The following BLTP1 variants were observed in gnomAD, a reference collection of about 807,000 sequenced individuals.
BLTP1 encodes the protein bridge-like lipid transfer protein family member 1.
At chr4:122,350,604 G>A in the BLTP1 span, among the ~76,000 whole-genome samples, 1 of 152,178 alleles carries the variant, frequency 6.6e-6, no homozygotes, top group Non-Finnish European at 1.5e-5. Context: ...TTCAGTAAGA[G>A]AGAAGTGCTA....
the BLTP1 span, chr4:122,190,169 C>A: frequency 6.7e-7 from 1 of 1,497,506 alleles, no homozygotes; most frequent in Non-Finnish European, 9.1e-7. Flanking sequence ...TAATCATAGT[C>A]CACTATACCC....
chr4:122,325,454 T>C, the BLTP1 span: 1 of 1,377,218 alleles, frequency 7.3e-7, no homozygotes, highest in South Asian at 1.8e-5. Context: ...GACTGAACTG[T>C]GCATATTACC....
At chr4:122,309,585 G>T in the BLTP1 span, 1 of 976,802 alleles carries the variant, frequency 1.0e-6, no homozygotes, top group East Asian at 2.6e-5. Context: ...AGAAAGAAGG[G>T]CTATTTCTAG....
chr4:122,247,140 C>G, the BLTP1 span: 11 of 1,595,352 alleles, frequency 6.9e-6, no homozygotes, highest in East Asian at 2.2e-5. Flanking sequence ...ACATTTTACT[C>G]TCTTTTTTTT....
chr4:122,153,553 C>G, the BLTP1 span, among the ~76,000 whole-genome samples: 2 of 152,108 alleles, frequency 1.3e-5, no homozygotes, highest in African/African-American at 4.8e-5. Context: ...TGACTGAAAC[C>G]AGGTAATCTG....
At chr4:122,299,092 AATTAG>A in the BLTP1 span, 4 of 550,566 alleles carry the variant, frequency 7.3e-6, no homozygotes, top group Admixed American at 1.8e-4. Flanking sequence ...AGAATTATTT[AATTAG>A]GGAAATTGCT....
the BLTP1 span, among the ~76,000 whole-genome samples, chr4:122,205,759 TTCTC>T: frequency 8.0e-4 from 109 of 136,606 alleles, no homozygotes; most frequent in South Asian, 8.3e-3. Flanking sequence ...TTCCAGTTGT[TTCTC>T]TCTCTCTCTT....
the BLTP1 span, chr4:122,200,070 G>A: frequency 2.1e-6 from 2 of 959,764 alleles, no homozygotes; most frequent in Non-Finnish European, 2.5e-6. Context: ...ATATAAGATG[G>A]TGCCATAAGG....
At chr4:122,359,177 T>G in the BLTP1 span, 664 of 221,186 alleles carry the variant, frequency 3.0e-3, 2 homozygotes, top group African/African-American at 0.014. Context: ...GCATGGCACA[T>G]GTATACATAT....
chr4:122,241,206 G>A, the BLTP1 span, among the ~76,000 whole-genome samples: 2 of 152,128 alleles, frequency 1.3e-5, no homozygotes, highest in Admixed American at 6.5e-5. Context: ...GAAGATAGGA[G>A]GACCTAGGGG....
the BLTP1 span, chr4:122,185,242 T>C: frequency 3.1e-6 from 3 of 980,056 alleles, no homozygotes; most frequent in Non-Finnish European, 3.6e-6. Context: ...ACATCTGTTA[T>C]AAAGTGGAAA....
At chr4:122,167,949 C>G in the BLTP1 span, 4 of 946,232 alleles carry the variant, frequency 4.2e-6, no homozygotes, top group Non-Finnish European at 5.0e-6. Flanking sequence ...CAGTCTCTCA[C>G]TATTAAGGAA....
the BLTP1 span, among the ~76,000 whole-genome samples, chr4:122,217,060 A>C: frequency 6.6e-6 from 1 of 151,984 alleles, no homozygotes; most frequent in Non-Finnish European, 1.5e-5. Context: ...ACATTTATTG[A>C]TTTGTGTATA....
At chr4:122,256,786 C>A in the BLTP1 span, 2 of 471,674 alleles carry the variant, frequency 4.2e-6, no homozygotes, top group Non-Finnish European at 5.5e-6. Flanking sequence ...CTATGTCTAG[C>A]ATACTACATA....
At chr4:122,287,261 A>G in the BLTP1 span, among the ~76,000 whole-genome samples, 1 of 152,232 alleles carries the variant, frequency 6.6e-6, no homozygotes, top group African/African-American at 2.4e-5. Flanking sequence ...AAGATAAATT[A>G]GACTTACAGA....
chr4:122,200,668 A>C, the BLTP1 span: 1 of 984,580 alleles, frequency 1.0e-6, no homozygotes, highest in Non-Finnish European at 1.2e-6. Flanking sequence ...ATCTTCCTTC[A>C]CACTGAGCCT....
chr4:122,357,353 A>C, the BLTP1 span, among the ~76,000 whole-genome samples: 54 of 152,182 alleles, frequency 3.5e-4, no homozygotes, highest in Non-Finnish European at 7.8e-4. Context: ...GCTTGAGCCC[A>C]GGGCTTTGAG....
the BLTP1 span, among the ~76,000 whole-genome samples, chr4:122,319,539 AT>A: frequency 0.025 from 3,320 of 131,644 alleles, 101 homozygotes; most frequent in African/African-American, 0.081. Context: ...ATGATTTATA[AT>A]TTTTTTTTTT....
At chr4:122,328,364 A>T in the BLTP1 span, 1 of 1,600,500 alleles carries the variant, frequency 6.2e-7, no homozygotes. Context: ...CCTCGTGAGT[A>T]ACCTTATTTT....
Sources: allele counts gnomAD v4.1 joint callset (sites outside exome capture counted in the v4.1 genomes callset), GRCh38; gene constraint gnomAD v4.1.1; transcripts MANE v1.5; gene names NCBI Gene and HGNC (gene_info 2026-07-23, HGNC 2026-07-21).